EPB41: variants seen among roughly 807,000 people sequenced by gnomAD.
EPB41 encodes the protein protein 4.1.
Under a neutral mutation model 108.0 loss-of-function variants are expected in EPB41, and 65 were observed. The ratio of observed to expected loss-of-function variants is 0.60; its 90% CI spans 0.49 to 0.74. EPB41 has a LOEUF of 0.74. Ranked by LOEUF, EPB41 falls within the 30% of genes least tolerant of loss-of-function variation. The pLI is 0.00. For missense variants in EPB41, 875 were observed against 1,037.0 expected (o/e 0.84, Z 2.15); for synonymous variants, 336 against 358.9 (o/e 0.94, Z 0.72).
At chr1:28,984,396 A>G (rs754176978) in intron 1 of EPB41, among the ~76,000 whole-genome samples, 13 of 152,122 alleles carry the variant, frequency 8.5e-5, no homozygotes, top group Non-Finnish European at 1.9e-4. Flanking sequence ...ATTTATTTTG[A>G]ATTTTTCTTT....
chr1:28,907,268 T>C (rs930354834), intron 1 of EPB41, among the ~76,000 whole-genome samples: 12 of 150,740 alleles, frequency 8.0e-5, no homozygotes, highest in Non-Finnish European at 1.3e-4. Context: ...TTTCCCCATG[T>C]TGGTCATGGG....
At chr1:28,979,160 A>T (rs1399149280) in intron 1 of EPB41, among the ~76,000 whole-genome samples, 1 of 151,594 alleles carries the variant, frequency 6.6e-6, no homozygotes, top group Non-Finnish European at 1.5e-5. Context: ...AGGCTGTGAT[A>T]AGTTAAGTGT....
intron 16 of EPB41, among the ~76,000 whole-genome samples, chr1:29,067,125 C>G (rs1468944272): frequency 6.7e-6 from 1 of 149,504 alleles, no homozygotes; most frequent in East Asian, 2.0e-4. Flanking sequence ...GAGGCTGAGG[C>G]GGGCTGATCA....
chr1:28,974,871 T>C (rs1404844077), intron 1 of EPB41, among the ~76,000 whole-genome samples: 1 of 151,464 alleles, frequency 6.6e-6, no homozygotes, highest in South Asian at 2.1e-4. Flanking sequence ...CTTGGCTCAC[T>C]GCAACCTCCG....
chr1:28,930,668 A>G (rs1419232370), intron 1 of EPB41, among the ~76,000 whole-genome samples: 2 of 151,710 alleles, frequency 1.3e-5, no homozygotes, highest in African/African-American at 4.8e-5. Context: ...TATTTTTAGT[A>G]GAGACGGGGT....
rs934872244 is a variant in EPB41, at chr1:29,115,390, C to G, written c.2497-309C>G. Among the ~76,000 whole-genome samples the G allele has an allele frequency of 3.3e-5, 5 of 151,952 alleles. No homozygotes were observed. Among genetic ancestry groups the G allele is most frequent in the African/African-American group, 1.2e-4 (5 of 41,324 alleles). On this transcript the variant is annotated intron_variant, in intron 19 of 20. Coordinates refer to ENST00000343067, the MANE Select transcript of EPB41 (RefSeq NM_001376013.1). This position sits in a 1 kb window ranked among gnomAD's most constrained non-coding sequence, Gnocchi z 4.4. Reference sequence around the variant, plus strand: ...CCTGGGTGACGGAGCGAGACTCCATCTCAACAACAACAAAAAATAAAAAAA... The same window carrying G: ...CCTGGGTGACGGAGCGAGACTCCATGTCAACAACAACAAAAAATAAAAAAA...
intron 1 of EPB41, among the ~76,000 whole-genome samples, chr1:28,969,053 A>G (rs1360260468): frequency 2.1e-5 from 3 of 144,868 alleles, no homozygotes; most frequent in Non-Finnish European, 4.5e-5. Flanking sequence ...CTATATTCTT[A>G]TAGAATCTTT....
intron 1 of EPB41, among the ~76,000 whole-genome samples, chr1:28,941,765 C>T (rs1048406464): frequency 6.6e-5 from 10 of 151,726 alleles, no homozygotes; most frequent in Non-Finnish European, 1.3e-4. Flanking sequence ...GGTGGTGGTG[C>T]GTGCCTGTAA....
At chr1:29,016,342 A>ATTTTTTTTTTTT (rs11362146) in intron 6 of EPB41, among the ~76,000 whole-genome samples, 1 of 135,776 alleles carries the variant, frequency 7.4e-6, no homozygotes, top group Non-Finnish European at 1.6e-5. Flanking sequence ...CGCCCTGCTA[A>ATTTTTTTTTTTT]TTTTTTTTTT....
chr1:29,071,354 A>G (rs1422207688), intron 16 of EPB41: 1 of 152,190 alleles, frequency 6.6e-6, no homozygotes, highest in East Asian at 1.9e-4. Context: ...TCCAGCCAGG[A>G]CTGAAATTCT....
intron 10 of EPB41, among the ~76,000 whole-genome samples, chr1:29,036,862 A>G (rs531085463): frequency 2.6e-5 from 4 of 151,512 alleles, no homozygotes; most frequent in East Asian, 2.0e-4. Flanking sequence ...TTGTATTTTT[A>G]GTAGAGACGA....
intron 1 of EPB41, among the ~76,000 whole-genome samples, chr1:28,897,665 GAGGGA>G (rs1360575999): frequency 1.4e-5 from 2 of 143,026 alleles, no homozygotes; most frequent in Non-Finnish European, 3.1e-5. Context: ...GAGGGGACAG[GAGGGA>G]AGGGAAGAAA....
At chr1:29,003,018 T>C (rs1396201916) in intron 4 of EPB41, among the ~76,000 whole-genome samples, 1 of 152,218 alleles carries the variant, frequency 6.6e-6, no homozygotes, top group Non-Finnish European at 1.5e-5. Flanking sequence ...GTATTTAGTA[T>C]GAGTGACTCC....
chr1:29,058,985 T>C lies in EPB41; in HGVS notation c.1944+133T>C, dbSNP rs898909212. On this transcript the variant is annotated intron_variant, in intron 14 of 20. Transcript: ENST00000343067. ...AGGAGTTGTTAATAGTTTCAAATAA[T>C]GGATATGGGCCAGGAGCATTGGCTC... is the stretch of plus-strand genomic sequence containing the variant. 20 of 874,192 alleles carry C rather than the reference T, an allele frequency of 2.3e-5. No individual in the cohort carries two copies. The African/African-American group carries it at 3.2e-4, about 14-fold the overall frequency. The allele number at this position is 874,192 out of a possible 1,614,324, so 54.2% of individuals were successfully genotyped here. A position where few individuals can be genotyped will look rare whatever the true frequency, so the allele number is the denominator to read the frequency against.
chr1:28,933,586 T>C (rs1191963498), intron 1 of EPB41, among the ~76,000 whole-genome samples: 1 of 152,230 alleles, frequency 6.6e-6, no homozygotes, highest in Non-Finnish European at 1.5e-5. Flanking sequence ...TCACATTGCA[T>C]TTAGTGGTTA....
intron 16 of EPB41, 57 bp downstream of exon 16, chr1:29,065,215 G>C: frequency 6.6e-7 from 1 of 1,505,306 alleles, no homozygotes; most frequent in Non-Finnish European, 8.9e-7. Flanking sequence ...ATGTTTTTAT[G>C]TATTAATATT....
chr1:28,922,368 A>C (rs1469232943), intron 1 of EPB41, among the ~76,000 whole-genome samples: 1 of 152,120 alleles, frequency 6.6e-6, no homozygotes, highest in Non-Finnish European at 1.5e-5. Context: ...TACTTAAGGG[A>C]AAGGAGACCA....
chr1:29,104,303 C>T (rs1046502004), intron 17 of EPB41, among the ~76,000 whole-genome samples: 1 of 152,174 alleles, frequency 6.6e-6, no homozygotes, highest in African/African-American at 2.4e-5. Context: ...TAAGCCGGAG[C>T]ACCATTTTTT....
intron 16 of EPB41, 51 bp from the exon 17 acceptor site, chr1:29,097,756 C>T: frequency 1.2e-6 from 2 of 1,603,320 alleles, no homozygotes; most frequent in Non-Finnish European, 1.7e-6. Context: ...AAGATTACTT[C>T]TCCATTGCCT....
Sources: gnomAD v4.1 joint callset for allele counts (sites outside exome capture counted in the v4.1 genomes callset) on GRCh38, gnomAD v4.1.1 for gene constraint, Gnocchi (gnomAD v3.1) non-coding constraint, MANE v1.5 for transcripts, NCBI Gene and HGNC (gene_info 2026-07-23, HGNC 2026-07-21) for gene names.